The following DSCAM variants were observed in gnomAD, a reference collection of about 807,000 sequenced individuals.
The protein encoded by DSCAM is DS cell adhesion molecule.
Under a neutral mutation model 217.7 loss-of-function variants are expected in DSCAM, and 47 were observed. The ratio of observed to expected loss-of-function variants is 0.22; its 90% confidence interval spans 0.17 to 0.28. The LOEUF (loss-of-function observed/expected upper bound fraction) is 0.28. DSCAM is among the 10% of genes least tolerant of loss of function. The probability of loss-of-function intolerance (pLI) is 1.00; values close to 1 mark genes in which losing one functional copy is unlikely to be tolerated. For missense variants in DSCAM, 2,080 were observed against 2,618.3 expected, an observed-to-expected ratio of 0.79 and a Z score of 4.49; for synonymous variants, 1,056 against 1,015.3, an observed-to-expected ratio of 1.04 and a Z score of -0.76.
At chr21:40,233,547 T>C (rs2091400571) in intron 11 of DSCAM, among the ~76,000 whole-genome samples, 1 of 152,138 alleles carries the variant, frequency 6.6e-6, no homozygotes, top group South Asian at 2.1e-4. Flanking sequence ...ACATTACGTA[T>C]GCTGTTGATA....
chr21:40,034,023 T>C (rs546209250), intron 32 of DSCAM, among the ~76,000 whole-genome samples: 1 of 57,206 alleles, frequency 1.7e-5, no homozygotes, highest in East Asian at 4.1e-4. Flanking sequence ...CAAAAACCCA[T>C]CTGTACATCA....
At chr21:40,446,752 T>C (rs1469769781) in intron 3 of DSCAM, among the ~76,000 whole-genome samples, 3 of 152,216 alleles carry the variant, frequency 2.0e-5, no homozygotes, top group Non-Finnish European at 4.4e-5. Context: ...TAAACATATC[T>C]GTTTTCAACT....
intron 24 of DSCAM, among the ~76,000 whole-genome samples, chr21:40,082,904 C>T (rs1380011781): frequency 6.6e-6 from 1 of 152,164 alleles, no homozygotes; most frequent in Admixed American, 6.5e-5. Flanking sequence ...GAAGGAGCTG[C>T]TCCAGCACAC....
At chr21:40,074,138 A>G (rs1228152985) in intron 27 of DSCAM, among the ~76,000 whole-genome samples, 1 of 152,246 alleles carries the variant, frequency 6.6e-6, no homozygotes, top group East Asian at 1.9e-4. Context: ...ACGTTTTCTA[A>G]ATGTATCAGT....
intron 7 of DSCAM, 99 bp downstream of exon 7, chr21:40,339,020 G>A (rs1168188438): frequency 2.8e-6 from 4 of 1,434,186 alleles, no homozygotes; most frequent in Non-Finnish European, 2.9e-6. Context: ...CAGTTAATCC[G>A]CTCTGGCATT....
chr21:40,188,968 C>T, intron 12 of DSCAM, 74 bp downstream of exon 12: 3 of 1,474,446 alleles, frequency 2.0e-6, no homozygotes, highest in Non-Finnish European at 1.9e-6. Context: ...TTATCTGCAC[C>T]CGCTTCTGTG....
chr21:40,365,404 C>G (rs1339062293), intron 4 of DSCAM, among the ~76,000 whole-genome samples: 1 of 152,168 alleles, frequency 6.6e-6, no homozygotes, highest in African/African-American at 2.4e-5. Context: ...GGACCTTCGA[C>G]CACAGACTGA....
intron 3 of DSCAM, among the ~76,000 whole-genome samples, chr21:40,423,824 C>T (rs1228460817): frequency 6.6e-6 from 1 of 150,608 alleles, no homozygotes; most frequent in Non-Finnish European, 1.5e-5. Context: ...TTATGAATGG[C>T]ATTTCATAGA....
At chr21:40,642,589 A>T (rs1233393168) in intron 3 of DSCAM, among the ~76,000 whole-genome samples, 1 of 152,028 alleles carries the variant, frequency 6.6e-6, no homozygotes, top group East Asian at 1.9e-4. Flanking sequence ...TCATTTTTTT[A>T]AAAATGATTT....
intron 11 of DSCAM, among the ~76,000 whole-genome samples, chr21:40,250,712 C>T (rs779487436): frequency 5.3e-5 from 8 of 152,172 alleles, no homozygotes; most frequent in Non-Finnish European, 1.2e-4. Flanking sequence ...TGCACTGGGT[C>T]GGGGCTGACG....
chr21:40,591,344 A>T (rs1345680860), intron 3 of DSCAM, among the ~76,000 whole-genome samples: 2 of 152,228 alleles, frequency 1.3e-5, no homozygotes, highest in Non-Finnish European at 2.9e-5. Context: ...GAGGCTGGGA[A>T]TTCCAAGATC....
chr21:40,164,524 G>A (rs1329059084), intron 16 of DSCAM, among the ~76,000 whole-genome samples: 1 of 152,194 alleles, frequency 6.6e-6, no homozygotes, highest in Non-Finnish European at 1.5e-5. Flanking sequence ...GGTGCCAGGT[G>A]TGGTAGCTCA....
At chr21:40,323,080 G>T (rs2074277899) in intron 8 of DSCAM, among the ~76,000 whole-genome samples, 1 of 152,190 alleles carries the variant, frequency 6.6e-6, no homozygotes, top group African/African-American at 2.4e-5. Context: ...GTGACTGATT[G>T]AGGAGCAATT....
At chr21:40,572,917 TAATAG>T (rs1191202526) in intron 3 of DSCAM, among the ~76,000 whole-genome samples, 3 of 152,190 alleles carry the variant, frequency 2.0e-5, no homozygotes, top group African/African-American at 7.2e-5. Context: ...TAATTATCTC[TAATAG>T]AATACTCCAC....
At chr21:40,531,466 C>T (rs1389303564) in intron 3 of DSCAM, among the ~76,000 whole-genome samples, 3 of 152,194 alleles carry the variant, frequency 2.0e-5, no homozygotes, top group Admixed American at 1.3e-4. Flanking sequence ...GTGTGTTTCC[C>T]CTCTGCACTG....
intron 20 of DSCAM, among the ~76,000 whole-genome samples, chr21:40,117,194 C>T (rs1047039839): frequency 1.3e-5 from 2 of 152,078 alleles, no homozygotes; most frequent in Non-Finnish European, 2.9e-5. Context: ...CACAATTTAA[C>T]CTCTTTTAGA....
At chr21:40,409,646 T>C (rs954437905) in intron 3 of DSCAM, among the ~76,000 whole-genome samples, 4 of 152,210 alleles carry the variant, frequency 2.6e-5, no homozygotes, top group African/African-American at 9.6e-5. Context: ...CTGGAGCTCA[T>C]ACAGAGGTGG....
intron 3 of DSCAM, among the ~76,000 whole-genome samples, chr21:40,419,841 A>G (rs1415236471): frequency 6.6e-6 from 1 of 152,204 alleles, no homozygotes; most frequent in Non-Finnish European, 1.5e-5. Flanking sequence ...AGAAAGAATA[A>G]AAAATTAAAA....
At chr21:40,461,334 T>C (rs1315209830) in intron 3 of DSCAM, among the ~76,000 whole-genome samples, 4 of 152,164 alleles carry the variant, frequency 2.6e-5, no homozygotes, top group South Asian at 2.1e-4. Flanking sequence ...ATAACAATAA[T>C]AATAACATTT....
Sources: allele counts gnomAD v4.1 joint callset (sites outside exome capture counted in the v4.1 genomes callset), GRCh38; gene constraint gnomAD v4.1.1; transcripts MANE v1.5; gene names NCBI Gene and HGNC (gene_info 2026-07-23, HGNC 2026-07-21).